Variants in PPP4R1 observed in about 807,000 individuals in gnomAD.
The protein encoded by PPP4R1 is protein phosphatase 4 regulatory subunit 1, also known as serine/threonine-protein phosphatase 4 regulatory subunit 1.
In PPP4R1, 42 loss-of-function variants were observed where a neutral mutation model predicts 111.2. The observed-to-expected ratio is 0.38, with a 90% confidence interval of 0.29 to 0.49. PPP4R1 has a LOEUF of 0.49. PPP4R1 is among the 20% of genes least tolerant of loss of function. PPP4R1 has a pLI of 0.97. For synonymous variants in PPP4R1, 409 were observed against 405.5 expected (o/e 1.01, Z -0.10); for missense variants, 1,012 against 1,161.6 (o/e 0.87, Z 1.87).
chr18:9,560,674 A>C (rs1213910299), intron 13 of PPP4R1, among the ~76,000 whole-genome samples: 1 of 152,192 alleles, frequency 6.6e-6, no homozygotes, highest in Non-Finnish European at 1.5e-5. Flanking sequence ...TATTGTTTTG[A>C]ATACTGATTT....
At chr18:9,587,904 G>GCCA (rs2067147019) in intron 6 of PPP4R1, among the ~76,000 whole-genome samples, 185 bp downstream of exon 6, 1 of 150,860 alleles carries the variant, frequency 6.6e-6, no homozygotes, top group Non-Finnish European at 1.5e-5. Flanking sequence ...TTTTGGCAGA[G>GCCA]CCAGGTGTCA....
intron 9 of PPP4R1, among the ~76,000 whole-genome samples, chr18:9,580,540 C>T (rs529476353): frequency 2.0e-5 from 3 of 152,164 alleles, no homozygotes; most frequent in Non-Finnish European, 4.4e-5. Context: ...TTAGTAGAGA[C>T]GGGGTTTCAC....
chr18:9,568,244 C>CA (rs1314451815), intron 11 of PPP4R1, among the ~76,000 whole-genome samples: 1 of 152,156 alleles, frequency 6.6e-6, no homozygotes, highest in African/African-American at 2.4e-5. Context: ...AAACTGGTCT[C>CA]AAACTCTTGG....
Position 9,563,365 on chromosome 18 carries a change from C to T in PPP4R1, c.1746+13G>A, listed in dbSNP as rs758741552. ...CTACTCTCATTTGGTAAACACTTTA[C>T]TGAGTTTGTTACCTCAACAGCATCG... On this transcript the variant is annotated intron_variant, in intron 12 of 19. Transcript: ENST00000400556. 3 of 1,597,608 alleles carry T rather than the reference C, an allele frequency of 1.9e-6. No homozygotes were observed. The highest frequency in any genetic ancestry group is 1.3e-5 in the African/African-American group (1 of 74,372).
intron 2 of PPP4R1, chr18:9,613,850 G>C (rs1470413209): frequency 6.3e-6 from 1 of 159,736 alleles, no homozygotes; most frequent in African/African-American, 2.4e-5. Context: ...TTCCTAGAGT[G>C]ACGGGGGAAG....
chr18:9,547,074 G>T lies in PPP4R1; in HGVS notation c.*715C>A, dbSNP rs1296805879. Reference sequence around the variant, plus strand: ...GATCATGATCAAGTTAAAAACACCAGACATACATTATACGTCTAATAAATT... The same window carrying T: ...GATCATGATCAAGTTAAAAACACCATACATACATTATACGTCTAATAAATT... On this transcript the variant is annotated 3_prime_UTR_variant, in exon 20 of 20. Coordinates refer to ENST00000400556, the MANE Select transcript of PPP4R1 (RefSeq NM_001042388.3). 9 of 152,630 alleles carry T rather than the reference G, an allele frequency of 5.9e-5. No individual in the cohort carries two copies. Among genetic ancestry groups the T allele is most frequent in the Admixed American group, 3.3e-4 (5 of 15,278 alleles). The allele number at this position is 152,630 out of a possible 1,614,324, so 9.5% of individuals were successfully genotyped here. A position where few individuals can be genotyped will look rare whatever the true frequency, so the allele number is the denominator to read the frequency against.
At chr18:9,617,148 C>T (rs2067695062), upstream of PPP4R1, 1 of 152,140 alleles carries the variant, frequency 6.6e-6, no homozygotes, top group Admixed American at 6.5e-5. Context: ...TACAATGCAG[C>T]TCGTGGATGG....
At chr18:9,582,783 A>G (rs528908654) in intron 9 of PPP4R1, among the ~76,000 whole-genome samples, 2 of 152,336 alleles carry the variant, frequency 1.3e-5, no homozygotes, top group African/African-American at 4.8e-5. Flanking sequence ...AAATACTGAC[A>G]AACTGAATCC....
chr18:9,569,335 C>T (rs1026674044), intron 11 of PPP4R1, among the ~76,000 whole-genome samples: 12 of 152,196 alleles, frequency 7.9e-5, no homozygotes, highest in African/African-American at 2.7e-4. Flanking sequence ...ACTATGCTTG[C>T]TGTGAACATT....
chr18:9,549,862 C>T (rs1425947673), intron 18 of PPP4R1, 190 bp downstream of exon 18: 1 of 781,942 alleles, frequency 1.3e-6, no homozygotes, highest in Non-Finnish European at 2.0e-6. Context: ...TAAGGAGGGG[C>T]TTGGCTAGCT....
intron 3 of PPP4R1, 183 bp downstream of exon 3, chr18:9,594,835 C>T (rs2067266706): frequency 3.4e-6 from 2 of 596,608 alleles, no homozygotes; most frequent in South Asian, 3.9e-5. Context: ...ATGTTGTATG[C>T]TTACTAGGAT....
chr18:9,567,090 G>C (rs1221030781), intron 11 of PPP4R1, among the ~76,000 whole-genome samples: 2 of 152,156 alleles, frequency 1.3e-5, no homozygotes, highest in Admixed American at 6.5e-5. Context: ...GATGGATCTG[G>C]ACAAAGTAAA....
intron 2 of PPP4R1, among the ~76,000 whole-genome samples, chr18:9,598,703 T>G (rs182510321): frequency 3.4e-4 from 52 of 152,256 alleles, no homozygotes; most frequent in African/African-American, 1.2e-3. Flanking sequence ...AATCTGGATC[T>G]ATACAGAAGA....
At chr18:9,610,678 C>G (rs1297049150) in intron 2 of PPP4R1, among the ~76,000 whole-genome samples, 1 of 152,056 alleles carries the variant, frequency 6.6e-6, no homozygotes, top group African/African-American at 2.4e-5. Flanking sequence ...CCAGGATGGT[C>G]TCGATCTCCT....
chr18:9,579,457 T>C (rs1555671522), intron 9 of PPP4R1, among the ~76,000 whole-genome samples: 1 of 152,102 alleles, frequency 6.6e-6, no homozygotes, highest in Non-Finnish European at 1.5e-5. Flanking sequence ...TGGCTTAACA[T>C]TGTTCGGACA....
Position 9,614,304 on chromosome 18 carries a change from G to A in PPP4R1, c.8-34C>T. The A allele has an allele frequency of 8.2e-7, 1 of 1,222,380 alleles. No individual in the cohort carries two copies. Among genetic ancestry groups the A allele is most frequent in the Non-Finnish European group, 1.0e-6 (1 of 969,774 alleles). The allele number at this position is 1,222,380 out of a possible 1,614,324, so 75.7% of individuals were successfully genotyped here. A position where few individuals can be genotyped will look rare whatever the true frequency, so the allele number is the denominator to read the frequency against. On this transcript the variant is annotated intron_variant, in intron 1 of 19. Transcript: ENST00000400556. This position sits in a 1 kb window ranked among gnomAD's most constrained non-coding sequence, Gnocchi z 4.1. ...AGGGGAGAGAAGAAAGGCCCGGTCA[G>A]CGCCCCGGGGCCCGGCGCGACGCCC...
intron 8 of PPP4R1, among the ~76,000 whole-genome samples, chr18:9,583,556 G>A (rs1415536334): frequency 6.6e-6 from 1 of 151,544 alleles, no homozygotes; most frequent in Non-Finnish European, 1.5e-5. Flanking sequence ...TAGTAGAAAT[G>A]AGGGTTCACC....
rs1178969388 is a variant in PPP4R1 at position 9,614,388 on chromosome 18, C to T, written c.7+90G>A. ...GCCTTCCCGCGCCGGGACCCCACGC[C>T]GGCCCCGGCCCGGCAGCCACTCAGG... On this transcript the variant is annotated intron_variant, in intron 1 of 19. Coordinates refer to ENST00000400556, the MANE Select transcript of PPP4R1 (RefSeq NM_001042388.3). The surrounding 1 kb of genome is among the most constrained non-coding windows in gnomAD (Gnocchi z 4.1). The T allele has an allele frequency of 2.0e-6, 2 of 1,019,116 alleles. No homozygotes were observed. The highest frequency in any genetic ancestry group is 2.4e-6 in the Non-Finnish European group (2 of 849,556). 63.1% of individuals were successfully genotyped at this position (1,019,116 alleles called of 1,614,324 possible). A position where few individuals can be genotyped will look rare whatever the true frequency, so the allele number is the denominator to read the frequency against.
At chr18:9,596,829 C>A (rs1407175614) in intron 2 of PPP4R1, among the ~76,000 whole-genome samples, 1 of 152,138 alleles carries the variant, frequency 6.6e-6, no homozygotes, top group Non-Finnish European at 1.5e-5. Flanking sequence ...AGAACATTAT[C>A]AAAAAGAGAA....
Sources: allele counts gnomAD v4.1 joint callset (sites outside exome capture counted in the v4.1 genomes callset), GRCh38; gene constraint gnomAD v4.1.1; non-coding constraint Gnocchi (gnomAD v3.1); transcripts MANE v1.5; gene names NCBI Gene and HGNC (gene_info 2026-07-23, HGNC 2026-07-21).